IFT81: variants seen among roughly 807,000 people sequenced by gnomAD.
IFT81 encodes intraflagellar transport protein 81 homolog.
In IFT81, 72 loss-of-function variants were observed where a neutral mutation model predicts 102.6. That is an observed-to-expected ratio of 0.70 (90% CI 0.58 to 0.85). IFT81 has a LOEUF of 0.85. IFT81 is among the 40% of genes least tolerant of loss of function. The pLI is 0.00. For synonymous variants in IFT81, 237 were observed against 242.7 expected, an observed-to-expected ratio of 0.98 and a Z score of 0.22; for missense variants, 723 against 787.3, an observed-to-expected ratio of 0.92 and a Z score of 0.98.
chr12:110,126,941 T>TA (rs1192839909), intron 1 of IFT81, among the ~76,000 whole-genome samples: 1 of 152,214 alleles, frequency 6.6e-6, no homozygotes, highest in Admixed American at 6.5e-5. Flanking sequence ...GATTTTAAAG[T>TA]AAAAAATCTC....
chr12:110,132,625 G>T lies in IFT81; in HGVS notation c.508G>T (p.Glu170Ter). The T allele has an allele frequency of 6.5e-7, 1 of 1,548,374 alleles. No individual in the cohort carries two copies. Among genetic ancestry groups the T allele is most frequent in the Non-Finnish European group, 8.9e-7 (1 of 1,129,718 alleles). Residue 170 changes from glutamate (E) to a stop codon, truncating the protein, a stop_gained, in exon 5 of 19, where the codon GAA becomes TAA. Transcript: ENST00000242591. LOFTEE classifies it high-confidence loss of function. ...CAAGATATCTGGATTTTCTACAGCA[G>T]AAATAAGAAAGGTAAAGGAAAGAAA... ...QLKISGFSTA[E>*]IRKDISAMEE...
intron 11 of IFT81, chr12:110,167,864 T>TC (rs59184856): frequency 9.4e-5 from 27 of 286,676 alleles, no homozygotes; most frequent in South Asian, 4.6e-4. Context: ...TTTTTTTTTT[T>TC]CCCCAGAGAC....
intron 10 of IFT81, among the ~76,000 whole-genome samples, chr12:110,154,048 A>G (rs1895696243): frequency 6.6e-6 from 1 of 151,854 alleles, no homozygotes; most frequent in Non-Finnish European, 1.5e-5. Flanking sequence ...CAGTGGCATG[A>G]TCTCAGCTCA....
intron 12 of IFT81, among the ~76,000 whole-genome samples, chr12:110,182,617 G>C (rs1897352796): frequency 6.6e-6 from 1 of 152,076 alleles, no homozygotes; most frequent in South Asian, 2.1e-4. Flanking sequence ...ATTTCTTTCT[G>C]TCCCTGTTAT....
chr12:110,207,859 A>AC (rs1398130604), intron 17 of IFT81, among the ~76,000 whole-genome samples: 4 of 152,130 alleles, frequency 2.6e-5, no homozygotes, highest in Admixed American at 6.5e-5. Flanking sequence ...ACCTGCTTTA[A>AC]ATCTCACATT....
intron 8 of IFT81, among the ~76,000 whole-genome samples, chr12:110,139,903 T>TAAAAAAAAAA (rs1491547161): frequency 7.3e-6 from 1 of 136,192 alleles, no homozygotes. Flanking sequence ...TAAAATAAAA[T>TAAAAAAAAAA]AAAAAATAAA....
intron 5 of IFT81, among the ~76,000 whole-genome samples, chr12:110,133,874 T>C (rs548078370): frequency 2.0e-5 from 3 of 152,374 alleles, no homozygotes; most frequent in African/African-American, 7.2e-5. Context: ...TACATTTTGG[T>C]CATTTCCAAA....
At chr12:110,203,837 T>C in intron 14 of IFT81, 27 bp from the exon 15 acceptor site, 4 of 1,474,922 alleles carry the variant, frequency 2.7e-6, no homozygotes, top group Non-Finnish European at 3.8e-6. Context: ...TTTTCACTTA[T>C]TCAATCATTT....
At chr12:110,164,561 T>C (rs556493575) in intron 11 of IFT81, among the ~76,000 whole-genome samples, 1 of 152,264 alleles carries the variant, frequency 6.6e-6, no homozygotes, top group South Asian at 2.1e-4. Flanking sequence ...ATCCATACTG[T>C]TACAAATTGG....
chr12:110,160,570 G>C (rs1231545946), intron 10 of IFT81, among the ~76,000 whole-genome samples: 1 of 152,088 alleles, frequency 6.6e-6, no homozygotes, highest in Non-Finnish European at 1.5e-5. Flanking sequence ...ATTGAGAGTG[G>C]GTCTTTGTCT....
chr12:110,130,663 G>A (rs1025372022), intron 4 of IFT81, among the ~76,000 whole-genome samples: 2 of 151,898 alleles, frequency 1.3e-5, no homozygotes, highest in Non-Finnish European at 1.5e-5. Flanking sequence ...CACGGTGCAC[G>A]ACCTGATTAA....
At position 110,180,582 on chromosome 12, in the gene IFT81, A is replaced by G. The variant is rs1897282798; in HGVS notation, c.1338+11A>G. The stretch of plus-strand genomic sequence containing the variant: ...ATTCAACAACAACTGGTAATACAGT[A>G]TTATCTTGGGCTACTATAAATACAA... On this transcript the variant is annotated intron_variant, in intron 12 of 18. Coordinates refer to ENST00000242591, the MANE Select transcript of IFT81 (RefSeq NM_014055.4). 6.3e-7 allele frequency: 1 copy of G among 1,587,000 alleles called. No individual in the cohort carries two copies. Among genetic ancestry groups the G allele is most frequent in the South Asian group, 1.1e-5 (1 of 87,610 alleles).
At chr12:110,210,296 A>G (rs1393944497) in intron 18 of IFT81, among the ~76,000 whole-genome samples, 3 of 152,232 alleles carry the variant, frequency 2.0e-5, no homozygotes, top group Admixed American at 2.0e-4. Flanking sequence ...TACGTAGATG[A>G]GAAATTTAAA....
In IFT81 at chr12:110,188,206, C is replaced by G. The variant is rs577252337; in HGVS notation, c.1339-2714C>G. 3.9e-5 allele frequency among the ~76,000 whole-genome samples: 6 copies of G among 151,946 alleles called. No individual in the cohort carries two copies. The South Asian group carries it at 1.2e-3, about 32-fold the overall frequency. On this transcript the variant is annotated intron_variant, in intron 12 of 18. Transcript: ENST00000242591. ...AAGTCGCTGGGCATGGTGGTGGGTGCCGGGAATCCCAGCTGCTCGGGAGGC... is the reference window on the plus strand; with the variant it reads ...AAGTCGCTGGGCATGGTGGTGGGTGGCGGGAATCCCAGCTGCTCGGGAGGC...
intron 11 of IFT81, among the ~76,000 whole-genome samples, chr12:110,175,837 CAG>C (rs1453029168): frequency 2.0e-5 from 3 of 151,938 alleles, no homozygotes; most frequent in Admixed American, 2.0e-4. Flanking sequence ...TATTTTTAGA[CAG>C]AGTCTGTCTC....
At chr12:110,129,197 G>C in intron 4 of IFT81, 67 bp downstream of exon 4, 1 of 1,188,956 alleles carries the variant, frequency 8.4e-7, no homozygotes, top group Non-Finnish European at 1.2e-6. Flanking sequence ...TCAAATACAT[G>C]TTACTCTTTT....
At chr12:110,148,906 T>G (rs553914254) in intron 10 of IFT81, among the ~76,000 whole-genome samples, 1 of 152,298 alleles carries the variant, frequency 6.6e-6, no homozygotes, top group Non-Finnish European at 1.5e-5. Context: ...ATTTGTTTCC[T>G]CTAACTCATT....
intron 17 of IFT81, among the ~76,000 whole-genome samples, chr12:110,207,649 G>A (rs924817289): frequency 1.7e-4 from 22 of 130,954 alleles, no homozygotes; most frequent in African/African-American, 6.4e-4. Context: ...TGCAACCTCC[G>A]CCTCCTGGGT....
intron 10 of IFT81, among the ~76,000 whole-genome samples, chr12:110,149,721 G>A (rs1442103088): frequency 2.6e-5 from 4 of 152,130 alleles, no homozygotes; most frequent in African/African-American, 9.7e-5. Flanking sequence ...CTAACTCTGC[G>A]TCGTTCTGCC....
Sources: allele counts gnomAD v4.1 joint callset (sites outside exome capture counted in the v4.1 genomes callset), GRCh38; gene constraint gnomAD v4.1.1; transcripts MANE v1.5; gene names NCBI Gene and HGNC (gene_info 2026-07-23, HGNC 2026-07-21).